Variants in KIF4A observed in about 807,000 individuals in gnomAD.
The protein encoded by KIF4A is kinesin family member 4A.
Under a neutral mutation model 105.9 loss-of-function variants are expected in KIF4A, and 7 were observed. The observed-to-expected ratio is 0.07, with a 90% CI of 0.04 to 0.12. The LOEUF (loss-of-function observed/expected upper bound fraction) is 0.12. KIF4A is among the 10% of genes least tolerant of loss of function. The pLI, the probability that KIF4A is intolerant of heterozygous loss-of-function variation, is 1.00. For missense variants in KIF4A, 558 were observed against 929.2 expected (o/e 0.60, Z 5.19); for synonymous variants, 281 against 331.3 (o/e 0.85, Z 1.65).
chrX:70,294,598 A>G (rs182581532), intron 3 of KIF4A, among the ~76,000 whole-genome samples: 1 of 112,610 alleles, frequency 8.9e-6, no homozygotes, highest in East Asian at 2.8e-4. Flanking sequence ...AGCAACAGGA[A>G]TTTTTCACCA....
intron 15 of KIF4A, among the ~76,000 whole-genome samples, chrX:70,365,499 A>G (rs1319102685): frequency 8.9e-6 from 1 of 112,156 alleles, no homozygotes; most frequent in Admixed American, 9.5e-5. Flanking sequence ...TACTGAGATA[A>G]TCATGTGGTT....
intron 18 of KIF4A, among the ~76,000 whole-genome samples, chrX:70,380,865 G>A (rs912874361): frequency 4.5e-5 from 5 of 112,291 alleles, no homozygotes; most frequent in African/African-American, 1.6e-4. Flanking sequence ...AAAATAAGTT[G>A]TGATCTGGCA....
intron 28 of KIF4A, among the ~76,000 whole-genome samples, chrX:70,407,656 C>T (rs1393365028): frequency 8.9e-6 from 1 of 112,056 alleles, no homozygotes; most frequent in Non-Finnish European, 1.9e-5. Flanking sequence ...AGGTAATGTT[C>T]CATACCATTT....
intron 20 of KIF4A, among the ~76,000 whole-genome samples, chrX:70,392,048 T>C (rs1179766775): frequency 8.9e-6 from 1 of 111,889 alleles, no homozygotes; most frequent in African/African-American, 3.2e-5. Context: ...TTATGTATTA[T>C]TAAATTCAGT....
chrX:70,311,223 ATAGTTT>A (rs1240310535), intron 7 of KIF4A, among the ~76,000 whole-genome samples: 2 of 111,299 alleles, frequency 1.8e-5, no homozygotes, highest in African/African-American at 6.5e-5. Context: ...GATTTACTTT[ATAGTTT>A]TAATCTCCTC....
chrX:70,298,785 A>G (rs770076610), intron 4 of KIF4A, among the ~76,000 whole-genome samples: 4 of 112,447 alleles, frequency 3.6e-5, no homozygotes, highest in African/African-American at 1.3e-4. Flanking sequence ...AAAATGGGTG[A>G]ATGTAATGCT....
chrX:70,402,584 C>T lies in KIF4A; in HGVS notation c.2508C>T (p.Asp836=), dbSNP rs752202861. The change falls in exon 23 of 31, where the codon GAC becomes GAT. Residue 836 remains aspartate (D), a synonymous_variant. Transcript: ENST00000374403. The stretch of plus-strand genomic sequence containing the variant: ...CCTGAAGGAGTGCTCAGATTGCTGA[C>T]CTACAGCAGAAGCTGCTGGATGCAG... ...EMEFRSAQIA[D]LQQKLLDAES... 7 of 1,211,674 alleles carry T rather than the reference C, an allele frequency of 5.8e-6. No individual in the cohort carries two copies. The highest frequency in any genetic ancestry group is 1.8e-5 in the South Asian group (1 of 56,877).
Position 70,313,294 on chromosome X carries a change from C to T in KIF4A, c.778+10896C>T, listed in dbSNP as rs147168753. 4.5e-3 allele frequency among the ~76,000 whole-genome samples: 504 copies of T among 112,001 alleles called. 4 individuals carry two copies. Among genetic ancestry groups the T allele is most frequent in the African/African-American group, 0.015 (476 of 30,919 alleles). On this transcript the variant is annotated intron_variant, in intron 7 of 30. Transcript: ENST00000374403. ...CCTACTTTCTCTTTGTTAGCCCTTA[C>T]CTGGTATGTTTTCCATCCCTATCTT...
At chrX:70,350,397 A>G (rs1417384303) in intron 13 of KIF4A, among the ~76,000 whole-genome samples, 1 of 111,708 alleles carries the variant, frequency 9.0e-6, no homozygotes, top group Non-Finnish European at 1.9e-5. Context: ...AGGCAGGAGA[A>G]TCACGGGAGC....
At chrX:70,319,236 CT>C (rs1569232436) in intron 7 of KIF4A, among the ~76,000 whole-genome samples, 2 of 111,612 alleles carry the variant, frequency 1.8e-5, no homozygotes, top group African/African-American at 6.5e-5. Flanking sequence ...GCATTCCAGC[CT>C]GGGCAACAGG....
At chrX:70,305,164 T>TA (rs1171782032) in intron 7 of KIF4A, among the ~76,000 whole-genome samples, 3 of 107,619 alleles carry the variant, frequency 2.8e-5, no homozygotes, top group Non-Finnish European at 3.8e-5. Flanking sequence ...ACTTTTTTTT[T>TA]AAAAGAATAA....
At chrX:70,336,802 T>G (rs998333660) in intron 10 of KIF4A, among the ~76,000 whole-genome samples, 3 of 111,856 alleles carry the variant, frequency 2.7e-5, no homozygotes, top group East Asian at 5.6e-4. Flanking sequence ...TCAATGGCTT[T>G]AAATTCATTC....
At chrX:70,385,452 T>C (rs1321897538) in intron 18 of KIF4A, among the ~76,000 whole-genome samples, 2 of 112,615 alleles carry the variant, frequency 1.8e-5, no homozygotes, top group Admixed American at 9.4e-5. Flanking sequence ...ATCTTGACTT[T>C]TCATTTCAAC....
At chrX:70,387,711 TA>T (rs1176377433) in intron 20 of KIF4A, among the ~76,000 whole-genome samples, 1 of 111,310 alleles carries the variant, frequency 9.0e-6, no homozygotes, top group Non-Finnish European at 1.9e-5. Context: ...CTACTAAAAA[TA>T]CAAAAATTAG....
intron 13 of KIF4A, among the ~76,000 whole-genome samples, chrX:70,347,702 G>A (rs1364507857): frequency 9.2e-6 from 1 of 109,073 alleles, no homozygotes; most frequent in South Asian, 4.1e-4. Flanking sequence ...AGGGCCGGGC[G>A]CGGTGGCTCA....
chrX:70,419,748 T>A lies in KIF4A; in HGVS notation c.3460T>A (p.Phe1154Ile), dbSNP rs754057176. The part of the protein sequence containing the change: ...DPTEVTPGLS[F>I]FNPVCATPNS... Reference sequence around the variant, plus strand: ...TACCGAGGTGACCCCAGGATTGAGCTTCTTTAATCCCGTCTGTGCCACCCC... The same window carrying A: ...TACCGAGGTGACCCCAGGATTGAGCATCTTTAATCCCGTCTGTGCCACCCC... Residue 1154 changes from phenylalanine (F) to isoleucine (I), a missense_variant, in exon 30 of 31, where the codon TTC becomes ATC. By Grantham distance (21) the Phe-to-Ile change is conservative (BLOSUM62 0). Coordinates refer to ENST00000374403, the MANE Select transcript of KIF4A (RefSeq NM_012310.5). 8.3e-7 allele frequency: 1 copy of A among 1,211,153 alleles called. No homozygotes were observed. Among genetic ancestry groups the A allele is most frequent in the South Asian group, 1.8e-5 (1 of 56,951 alleles).
intron 13 of KIF4A, among the ~76,000 whole-genome samples, chrX:70,345,244 A>G (rs756366960): frequency 3.1e-4 from 35 of 112,156 alleles, no homozygotes; most frequent in African/African-American, 9.1e-4. Context: ...TGGGCGGATC[A>G]CCTGAGGTCT....
At chrX:70,402,536 C>CA in intron 22 of KIF4A, 30 bp from the exon 23 acceptor site, 1 of 1,206,361 alleles carries the variant, frequency 8.3e-7, no homozygotes, top group East Asian at 3.0e-5. Context: ...AGGCTACTTG[C>CA]AATAAGGCTT....
At chrX:70,306,414 C>T (rs1223894049) in intron 7 of KIF4A, among the ~76,000 whole-genome samples, 4 of 112,547 alleles carry the variant, frequency 3.6e-5, no homozygotes, top group South Asian at 3.7e-4. Flanking sequence ...ATAGAGATTT[C>T]GCTGAATCTG....
Sources: allele counts gnomAD v4.1 joint callset (sites outside exome capture counted in the v4.1 genomes callset), GRCh38; gene constraint gnomAD v4.1.1; transcripts MANE v1.5; gene names NCBI Gene and HGNC (gene_info 2026-07-23, HGNC 2026-07-21).